Variants in CSMD1 observed in about 807,000 individuals in gnomAD.
CSMD1 encodes the protein CUB and sushi domain-containing protein 1.
Under a neutral mutation model 417.5 loss-of-function variants are expected in CSMD1, and 213 were observed. That is an observed-to-expected ratio of 0.51 (90% CI 0.46 to 0.57). The LOEUF (loss-of-function observed/expected upper bound fraction) is 0.57. CSMD1 is among the 20% of genes least tolerant of loss of function. The pLI is 0.00. For synonymous variants in CSMD1, 2,862 were observed against 1,736.8 expected (o/e 1.65, Z -16.11); for missense variants, 6,923 against 4,529.7 (o/e 1.53, Z -15.17).
chr8:3,267,235 A>G (rs1052090049), intron 26 of CSMD1, among the ~76,000 whole-genome samples: 4 of 152,152 alleles, frequency 2.6e-5, no homozygotes, highest in African/African-American at 9.7e-5. Context: ...GCTCACTGCT[A>G]GCTTGCATGA....
At position 3,263,118 on chromosome 8, in the gene CSMD1, T is replaced by C. The variant is rs545882769; in HGVS notation, c.4153+21026A>G. On this transcript the variant is annotated intron_variant, in intron 26 of 69. Transcript: ENST00000635120. ...TTGCATCATCAACTGTTATTTTTTT[T>C]CAGAGAGTTTCACTTTGTTGTCCAG... Among the ~76,000 whole-genome samples, 247 of 152,324 alleles carry C rather than the reference T, an allele frequency of 1.6e-3. 1 individual carries two copies. The highest frequency in any genetic ancestry group is 5.8e-3 in the African/African-American group (242 of 41,574).
intron 1 of CSMD1, among the ~76,000 whole-genome samples, chr8:4,712,130 T>C (rs978770952): frequency 3.9e-5 from 6 of 152,216 alleles, no homozygotes; most frequent in Non-Finnish European, 8.8e-5. Flanking sequence ...CTGACCGTGG[T>C]TGAAGCTGGA....
At chr8:4,329,884 A>T (rs1282550437) in intron 3 of CSMD1, among the ~76,000 whole-genome samples, 1 of 150,920 alleles carries the variant, frequency 6.6e-6, no homozygotes, top group Non-Finnish European at 1.5e-5. Flanking sequence ...AGACACACAC[A>T]CTCTTTCTCT....
intron 23 of CSMD1, among the ~76,000 whole-genome samples, chr8:3,309,895 T>C (rs1805192666): frequency 6.6e-6 from 1 of 152,162 alleles, no homozygotes; most frequent in African/African-American, 2.4e-5. Context: ...TGCTTGATCC[T>C]TTGCACTCAG....
At chr8:4,346,837 T>C (rs61705704) in intron 3 of CSMD1, among the ~76,000 whole-genome samples, 33,234 of 152,206 alleles carry the variant, frequency 0.22, 3,781 homozygotes, top group Non-Finnish European at 0.25. Flanking sequence ...GGATTGAGAC[T>C]GAGGGCCTGA....
intron 10 of CSMD1, among the ~76,000 whole-genome samples, chr8:3,498,890 G>T (rs753571191): frequency 6.6e-6 from 1 of 152,078 alleles, no homozygotes; most frequent in Non-Finnish European, 1.5e-5. Flanking sequence ...TTCAGATCAT[G>T]AATTGTTTTC....
chr8:3,727,753 C>T (rs1802578092), intron 6 of CSMD1, among the ~76,000 whole-genome samples: 1 of 152,144 alleles, frequency 6.6e-6, no homozygotes, highest in Non-Finnish European at 1.5e-5. Context: ...ATAATGTGAT[C>T]TGACCATATA....
At chr8:3,496,139 G>T (rs1027369363) in intron 10 of CSMD1, among the ~76,000 whole-genome samples, 1 of 152,100 alleles carries the variant, frequency 6.6e-6, no homozygotes, top group Non-Finnish European at 1.5e-5. Context: ...GCTCCCCTTT[G>T]TAAGTGAGAA....
At chr8:3,684,110 TATATA>T (rs1451444336) in intron 7 of CSMD1, among the ~76,000 whole-genome samples, 1 of 107,758 alleles carries the variant, frequency 9.3e-6, no homozygotes, top group East Asian at 2.4e-4. Flanking sequence ...TATTATATAT[TATATA>T]ATATATAATT....
chr8:3,925,742 C>G (rs1809612663), intron 5 of CSMD1, among the ~76,000 whole-genome samples: 1 of 152,058 alleles, frequency 6.6e-6, no homozygotes, highest in African/African-American at 2.4e-5. Flanking sequence ...GAGGCCTCCC[C>G]AGCCATGTGG....
intron 3 of CSMD1, among the ~76,000 whole-genome samples, chr8:4,161,453 A>G (rs1284933193): frequency 2.0e-5 from 3 of 152,212 alleles, no homozygotes; most frequent in Non-Finnish European, 4.4e-5. Flanking sequence ...AACTGGAATA[A>G]GTTGAATGGC....
At chr8:3,982,568 C>G (rs545631477) in intron 5 of CSMD1, among the ~76,000 whole-genome samples, 1 of 151,690 alleles carries the variant, frequency 6.6e-6, no homozygotes, top group Non-Finnish European at 1.5e-5. Context: ...TAGAATTATG[C>G]GCCTAGTCAT....
intron 2 of CSMD1, among the ~76,000 whole-genome samples, chr8:4,505,374 A>C (rs555695637): frequency 6.6e-6 from 1 of 152,354 alleles, no homozygotes; most frequent in East Asian, 1.9e-4. Context: ...CTAATTCTGT[A>C]AATAAATTTC....
In CSMD1 at chr8:4,261,062, C is replaced by T. The variant is rs368818670; in HGVS notation, c.415+158891G>A. Among the ~76,000 whole-genome samples, 4 of 152,192 alleles carry T rather than the reference C, an allele frequency of 2.6e-5. No individual in the cohort carries two copies. In the South Asian group the frequency reaches 6.2e-4, roughly 24 times the overall value. ...TGCTTTAACGGTGAATTTAGGATTC[C>T]GGATACCTTGTTTTGTGCTATATAT... On this transcript the variant is annotated intron_variant, in intron 3 of 69. Transcript: ENST00000635120.
intron 11 of CSMD1, among the ~76,000 whole-genome samples, chr8:3,476,353 C>A (rs1164177460): frequency 1.3e-5 from 2 of 152,062 alleles, no homozygotes; most frequent in Non-Finnish European, 2.9e-5. Context: ...TTTTCCAATT[C>A]CCTGTCAAAG....
chr8:3,250,785 G>C (rs963383680), intron 26 of CSMD1, among the ~76,000 whole-genome samples: 1 of 152,246 alleles, frequency 6.6e-6, no homozygotes, highest in African/African-American at 2.4e-5. Context: ...TCTCATTGTG[G>C]TTTTGATTTG....
chr8:3,500,837 G>A (rs1039759938), intron 10 of CSMD1, among the ~76,000 whole-genome samples: 13 of 152,076 alleles, frequency 8.5e-5, no homozygotes, highest in Non-Finnish European at 1.6e-4. Context: ...GTGAGGAAGC[G>A]GAGTAAGTGG....
At chr8:3,265,143 A>G (rs1378966099) in intron 26 of CSMD1, among the ~76,000 whole-genome samples, 1 of 152,204 alleles carries the variant, frequency 6.6e-6, no homozygotes, top group East Asian at 1.9e-4. Flanking sequence ...CAGAGATATT[A>G]AAAATATTTA....
chr8:4,797,881 C>T (rs1798064875), intron 1 of CSMD1, among the ~76,000 whole-genome samples: 1 of 152,130 alleles, frequency 6.6e-6, no homozygotes, highest in South Asian at 2.1e-4. Context: ...TTACGAAAAT[C>T]ATCTTAAATA....
Sources: gnomAD v4.1 joint callset for allele counts (sites outside exome capture counted in the v4.1 genomes callset) on GRCh38, gnomAD v4.1.1 for gene constraint, MANE v1.5 for transcripts, NCBI Gene and HGNC (gene_info 2026-07-23, HGNC 2026-07-21) for gene names.